PTPRT: variants seen among roughly 807,000 people sequenced by gnomAD.
The protein encoded by PTPRT is receptor-type tyrosine-protein phosphatase T.
In PTPRT, 56 loss-of-function variants were observed where a neutral mutation model predicts 176.8. The ratio of observed to expected loss-of-function variants is 0.32; its 90% confidence interval spans 0.26 to 0.40. The LOEUF (loss-of-function observed/expected upper bound fraction) is 0.40, where lower values mean the gene tolerates loss of function less well. Ranked by LOEUF, PTPRT falls within the 10% of genes least tolerant of loss-of-function variation. The pLI is 1.00. For missense variants in PTPRT, 1,540 were observed against 1,908.2 expected (o/e 0.81, Z 3.60); for synonymous variants, 783 against 739.0 (o/e 1.06, Z -0.96).
chr20:43,142,630 C>T (rs1286386230), intron 1 of PTPRT, among the ~76,000 whole-genome samples: 1 of 152,198 alleles, frequency 6.6e-6, no homozygotes, highest in African/African-American at 2.4e-5. Context: ...GCTATAGCTA[C>T]AATTTGTTGA....
chr20:42,226,766 CT>C (rs2056021839), intron 15 of PTPRT, among the ~76,000 whole-genome samples: 1 of 152,052 alleles, frequency 6.6e-6, no homozygotes, highest in Non-Finnish European at 1.5e-5. Context: ...GACCCTGGTT[CT>C]CTCCTCTGGC....
intron 9 of PTPRT, among the ~76,000 whole-genome samples, chr20:42,387,438 A>C (rs1357874341): frequency 1.3e-5 from 2 of 152,256 alleles, no homozygotes; most frequent in East Asian, 3.8e-4. Context: ...AAGGGGCAGC[A>C]ACAAGTCATA....
At chr20:42,495,287 G>A (rs772700682) in intron 7 of PTPRT, among the ~76,000 whole-genome samples, 2 of 152,172 alleles carry the variant, frequency 1.3e-5, no homozygotes, top group Non-Finnish European at 2.9e-5. Flanking sequence ...GTAAGCTGTG[G>A]TAGGTTCAGC....
At chr20:43,084,581 G>A (rs567177218) in intron 1 of PTPRT, among the ~76,000 whole-genome samples, 46 of 152,192 alleles carry the variant, frequency 3.0e-4, no homozygotes, top group African/African-American at 9.6e-4. Flanking sequence ...CAACATGTGC[G>A]GATTACAATT....
At chr20:43,133,969 A>G (rs796154295) in intron 1 of PTPRT, among the ~76,000 whole-genome samples, 3 of 152,254 alleles carry the variant, frequency 2.0e-5, no homozygotes, top group African/African-American at 7.2e-5. Context: ...AAACTCCTGC[A>G]TTAGAAAAAA....
At chr20:42,167,519 T>C (rs1386349878) in intron 16 of PTPRT, among the ~76,000 whole-genome samples, 3 of 152,246 alleles carry the variant, frequency 2.0e-5, no homozygotes, top group Non-Finnish European at 2.9e-5. Flanking sequence ...TGTAGTTCCT[T>C]ACCAGTATCA....
At chr20:42,438,958 T>C (rs2059287640) in intron 9 of PTPRT, among the ~76,000 whole-genome samples, 1 of 152,228 alleles carries the variant, frequency 6.6e-6, no homozygotes, top group Admixed American at 6.5e-5. Flanking sequence ...ACCAGGTACA[T>C]AAATGCAAGT....
At chr20:42,681,579 T>C (rs2075604857) in intron 6 of PTPRT, among the ~76,000 whole-genome samples, 1 of 152,208 alleles carries the variant, frequency 6.6e-6, no homozygotes, top group Admixed American at 6.5e-5. Context: ...CGATGTGCCC[T>C]GGACACTCAT....
chr20:43,055,242 T>G (rs1172501461), intron 1 of PTPRT, among the ~76,000 whole-genome samples: 1 of 152,134 alleles, frequency 6.6e-6, no homozygotes, highest in African/African-American at 2.4e-5. Flanking sequence ...ACTACTCTGG[T>G]CCCCAGGCAT....
At chr20:42,771,637 A>G in intron 4 of PTPRT, 87 bp from the exon 5 acceptor site, 1 of 1,074,388 alleles carries the variant, frequency 9.3e-7, no homozygotes, top group Non-Finnish European at 1.4e-6. Flanking sequence ...CAGGATGGGC[A>G]CTGGGCAGGG....
intron 9 of PTPRT, among the ~76,000 whole-genome samples, chr20:42,421,239 CT>C (rs1401921133): frequency 2.7e-5 from 4 of 150,290 alleles, no homozygotes; most frequent in Non-Finnish European, 5.9e-5. Flanking sequence ...TCCTGACCCC[CT>C]AACATACACA....
intron 13 of PTPRT, among the ~76,000 whole-genome samples, chr20:42,280,605 A>G (rs1316844396): frequency 6.6e-6 from 1 of 152,072 alleles, no homozygotes; most frequent in African/African-American, 2.4e-5. Context: ...CACTCCATTC[A>G]CTTAAGGAAA....
rs73616983 is a variant in PTPRT, at chr20:42,210,142, G to A, written c.2343-10754C>T. ...TCAATAAATTGGGTATTAATGGGAC[G>A]TATTTCAAAATAATAAGAGCTATCT... On this transcript the variant is annotated intron_variant, in intron 15 of 30. Coordinates refer to ENST00000373187, the MANE Select transcript of PTPRT (RefSeq NM_007050.6). 1.6e-3 allele frequency among the ~76,000 whole-genome samples: 239 copies of A among 152,256 alleles called. 5 individuals carry two copies. In the East Asian group the frequency reaches 0.042, roughly 27 times the overall value.
rs906977293 is a variant in PTPRT, at chr20:42,352,263, G to A, written c.1583C>T (p.Ser528Leu). 1 of 1,614,088 alleles carries A rather than the reference G, an allele frequency of 6.2e-7. No homozygotes were observed. The highest frequency in any genetic ancestry group is 8.5e-7 in the Non-Finnish European group (1 of 1,180,008). Residue 528 changes from serine to leucine, a missense_variant, in exon 10 of 31, where the codon TCG becomes TTG. Ser to Leu is a moderately radical substitution (Grantham distance 145, BLOSUM62 -2). This residue lies in a region of PTPRT where 136 missense variants were observed against 135.0 expected (regional missense o/e 1.01). Transcript: ENST00000373187. ...CGAGAGGTCAGCACTTGGGTCCAGCGAGCCGACAGCCTTGTAGTTGATCTG... is the reference window on the plus strand; with the variant it reads ...CGAGAGGTCAGCACTTGGGTCCAGCAAGCCGACAGCCTTGTAGTTGATCTG... ...LYEINYKAVG[S>L]LDPSADLSSQ... is the part of the protein sequence containing the mutation.
intron 9 of PTPRT, among the ~76,000 whole-genome samples, chr20:42,415,507 T>C (rs945585467): frequency 4.6e-5 from 7 of 152,140 alleles, no homozygotes; most frequent in Non-Finnish European, 8.8e-5. Context: ...CCACCATGTC[T>C]AGCCCAGTTG....
chr20:42,436,920 A>G (rs1464009050), intron 9 of PTPRT, among the ~76,000 whole-genome samples: 1 of 152,264 alleles, frequency 6.6e-6, no homozygotes, highest in Non-Finnish European at 1.5e-5. Flanking sequence ...AAAACGTCCC[A>G]AAAGCTTATA....
chr20:43,037,025 G>C (rs1426303230), intron 1 of PTPRT, among the ~76,000 whole-genome samples: 1 of 152,084 alleles, frequency 6.6e-6, no homozygotes, highest in African/African-American at 2.4e-5. Context: ...TTGGCAAGAG[G>C]GAAAAACATA....
chr20:43,015,987 C>T (rs1482799615), intron 1 of PTPRT, among the ~76,000 whole-genome samples: 1 of 151,656 alleles, frequency 6.6e-6, no homozygotes, highest in Non-Finnish European at 1.5e-5. Context: ...TGCGACATGT[C>T]CCCTCTCTCA....
At chr20:42,189,670 T>C (rs879247621) in intron 16 of PTPRT, among the ~76,000 whole-genome samples, 1 of 152,186 alleles carries the variant, frequency 6.6e-6, no homozygotes, top group African/African-American at 2.4e-5. Context: ...CTTTGAAGGG[T>C]ACCGTGGGAC....
Sources: gnomAD v4.1 joint callset for allele counts (sites outside exome capture counted in the v4.1 genomes callset) on GRCh38, gnomAD v4.1.1 for gene constraint, gnomAD v4.1.1 regional missense constraint, MANE v1.5 for transcripts, NCBI Gene and HGNC (gene_info 2026-07-23, HGNC 2026-07-21) for gene names.